LRIG1: variants seen among roughly 807,000 people sequenced by gnomAD.
LRIG1 encodes leucine rich repeats and immunoglobulin like domains 1, also known as leucine-rich repeats and immunoglobulin-like domains protein 1.
LRIG1 carries 48 observed loss-of-function variants against 99.2 expected under a neutral mutation model. The ratio of observed to expected loss-of-function variants is 0.48; its 90% CI spans 0.38 to 0.62. The LOEUF (loss-of-function observed/expected upper bound fraction) is 0.62, where lower values mean the gene tolerates loss of function less well. LRIG1 is among the 20% of genes least tolerant of loss of function. LRIG1 has a pLI of 0.00. For synonymous variants in LRIG1, 772 were observed against 596.1 expected (o/e 1.29, Z -4.30); for missense variants, 1,646 against 1,434.4 (o/e 1.15, Z -2.38).
At chr3:66,383,874 C>G (rs1299369148) in intron 14 of LRIG1, 117 bp downstream of exon 14, 6 of 1,415,636 alleles carry the variant, frequency 4.2e-6, no homozygotes, top group Non-Finnish European at 5.6e-6. Flanking sequence ...CCCCAAATTT[C>G]AAACAGGGTC....
At chr3:66,410,322 C>G in intron 6 of LRIG1, 50 bp from the exon 7 acceptor site, 2 of 1,545,334 alleles carry the variant, frequency 1.3e-6, no homozygotes, top group Non-Finnish European at 1.8e-6. Context: ...ACTCCCTTCA[C>G]TGGACAGACA....
In LRIG1 at chr3:66,378,825, GAC is replaced by G. The variant is rs1491142648; in HGVS notation, c.*1436_*1437del. The G allele has an allele frequency of 6.6e-6, 1 of 152,424 alleles. No homozygotes were observed. The highest frequency in any genetic ancestry group is 1.9e-4 in the East Asian group (1 of 5,198). The allele number at this position is 152,424 out of a possible 1,614,324, so 9.4% of individuals were successfully genotyped here. A position where few individuals can be genotyped will look rare whatever the true frequency, so the allele number is the denominator to read the frequency against. ...CATTTATAAATGAACCTTTATTAAA[GAC>G]ACTTCAATGCCATTTGTTAGACACT... On this transcript the variant is annotated 3_prime_UTR_variant, in exon 19 of 19. Coordinates refer to ENST00000273261, the MANE Select transcript of LRIG1 (RefSeq NM_015541.3).
intron 3 of LRIG1, among the ~76,000 whole-genome samples, chr3:66,430,832 T>C (rs1703147238): frequency 6.6e-6 from 1 of 151,834 alleles, no homozygotes; most frequent in African/African-American, 2.4e-5. Context: ...GAGCCAAACG[T>C]ATTTATCGCT....
chr3:66,417,936 AT>A (rs1232861507), intron 3 of LRIG1, among the ~76,000 whole-genome samples: 1 of 152,162 alleles, frequency 6.6e-6, no homozygotes, highest in Non-Finnish European at 1.5e-5. Flanking sequence ...CGGTTTTCTC[AT>A]TTGGAAGATG....
chr3:66,391,476 G>A (rs1205084065), intron 12 of LRIG1, among the ~76,000 whole-genome samples: 1 of 152,164 alleles, frequency 6.6e-6, no homozygotes, highest in Non-Finnish European at 1.5e-5. Flanking sequence ...ATGAAGTACT[G>A]ATACATGCTT....
chr3:66,405,843 C>G (rs1702250296), intron 8 of LRIG1: 3 of 1,126,716 alleles, frequency 2.7e-6, no homozygotes, highest in Non-Finnish European at 3.3e-6. Flanking sequence ...GGTGCTGAGT[C>G]AGACTTGTGA....
At position 66,380,373 on chromosome 3, in the gene LRIG1, AAAC is replaced by A; in HGVS notation, c.3169_3171del (p.Val1057del). ...CATGCTTTGGGGAGGTGGCCATTGG[AAAC>A]AAGCAAGTACTGGGCTTCCGCGCGC... On this transcript the variant is annotated inframe_deletion, in exon 19 of 19. Transcript: ENST00000273261. The A allele has an allele frequency of 6.2e-7, 1 of 1,614,176 alleles. No individual in the cohort carries two copies. The highest frequency in any genetic ancestry group is 8.5e-7 in the Non-Finnish European group (1 of 1,180,024).
Position 66,384,225 on chromosome 3 carries a change from T to C in LRIG1, c.1837A>G (p.Thr613Ala). ...KTPHDITIRT[T>A]TMARLECAAT... ...GCACATTCGAGGCGGGCCATGGTGG[T>C]GGTCCGGATGGTTATGTCGTGGGGC... Residue 613 changes from threonine (T) to alanine (A), a missense_variant, in exon 14 of 19, where the codon ACC becomes GCC. Physicochemically the swap from Thr to Ala is moderately conservative, Grantham distance 58. Transcript: ENST00000273261. 1.2e-6 allele frequency: 2 copies of C among 1,613,872 alleles called. No homozygotes were observed. Among genetic ancestry groups the C allele is most frequent in the South Asian group, 2.2e-5 (2 of 91,068 alleles).
Position 66,430,990 on chromosome 3 carries a change from C to T in LRIG1, c.366-13724G>A, listed in dbSNP as rs562744461. Among the ~76,000 whole-genome samples, 14 of 151,980 alleles carry T rather than the reference C, an allele frequency of 9.2e-5. No individual in the cohort carries two copies. The South Asian group carries it at 2.5e-3, about 27-fold the overall frequency. ...CACCCCAGCACACTGATGGTGTTCC[C>T]TCCACCACACCGAGACCCCGCCACA... On this transcript the variant is annotated intron_variant, in intron 3 of 18. Coordinates refer to ENST00000273261, the MANE Select transcript of LRIG1 (RefSeq NM_015541.3).
intron 13 of LRIG1, 132 bp downstream of exon 13, chr3:66,385,849 T>C (rs1391419998): frequency 1.9e-5 from 16 of 838,978 alleles, no homozygotes; most frequent in South Asian, 1.2e-4. Flanking sequence ...CAGGCAACAA[T>C]AGGATTTAAC....
intron 1 of LRIG1, among the ~76,000 whole-genome samples, chr3:66,463,751 C>A (rs1700408996): frequency 6.6e-6 from 1 of 152,236 alleles, no homozygotes; most frequent in Admixed American, 6.5e-5. Context: ...AAGTCTGTCT[C>A]AGAAAGTGTC....
chr3:66,404,851 T>C (rs1420055888), intron 9 of LRIG1, among the ~76,000 whole-genome samples: 3 of 152,086 alleles, frequency 2.0e-5, no homozygotes, highest in Admixed American at 1.3e-4. Context: ...TACACAACTT[T>C]GAGAAACCCA....
At chr3:66,409,548 C>T (rs1254535539) in intron 7 of LRIG1, among the ~76,000 whole-genome samples, 2 of 152,188 alleles carry the variant, frequency 1.3e-5, no homozygotes, top group East Asian at 1.9e-4. Flanking sequence ...AGCACGCACA[C>T]GACTGCACAG....
intron 1 of LRIG1, among the ~76,000 whole-genome samples, chr3:66,481,456 G>A (rs1001071075): frequency 6.6e-6 from 1 of 152,134 alleles, no homozygotes. Flanking sequence ...ATTGTCCCTA[G>A]GGTGGGGGGA....
At chr3:66,420,656 G>A (rs1222880263) in intron 3 of LRIG1, among the ~76,000 whole-genome samples, 11 of 152,204 alleles carry the variant, frequency 7.2e-5, no homozygotes, top group Middle Eastern at 3.4e-3. Flanking sequence ...TGAGCATTGC[G>A]GACATGATGC....
chr3:66,382,888 A>C (rs900172), intron 15 of LRIG1, 94 bp downstream of exon 15: 1 of 1,171,338 alleles, frequency 8.5e-7, no homozygotes, highest in East Asian at 2.5e-5. Context: ...AACACAGTGC[A>C]ATTCTTTCAA....
chr3:66,452,566 G>A (rs1703941992), intron 2 of LRIG1, among the ~76,000 whole-genome samples: 2 of 152,172 alleles, frequency 1.3e-5, no homozygotes, highest in Non-Finnish European at 2.9e-5. Context: ...AAAGTCAAGG[G>A]GATAAAACTG....
chr3:66,483,629 G>A (rs539265049), intron 1 of LRIG1, among the ~76,000 whole-genome samples: 1 of 152,340 alleles, frequency 6.6e-6, no homozygotes, highest in East Asian at 1.9e-4. Context: ...TGCCTGGCGA[G>A]GGCTCAGCAT....
At chr3:66,407,997 G>A (rs1308304003) in intron 7 of LRIG1, among the ~76,000 whole-genome samples, 1 of 152,172 alleles carries the variant, frequency 6.6e-6, no homozygotes, top group African/African-American at 2.4e-5. Flanking sequence ...TGCCTTAGTG[G>A]GGCAACTCCC....
Sources: allele counts gnomAD v4.1 joint callset (sites outside exome capture counted in the v4.1 genomes callset), GRCh38; gene constraint gnomAD v4.1.1; transcripts MANE v1.5; gene names NCBI Gene and HGNC (gene_info 2026-07-23, HGNC 2026-07-21).